IDUA: variants seen among roughly 807,000 people sequenced by gnomAD.
IDUA encodes alpha-L-iduronidase.
A neutral mutation model predicts 68.9 loss-of-function variants in IDUA; 65 were observed. That is an observed-to-expected ratio of 0.94 (90% CI 0.77 to 1.16). The LOEUF (loss-of-function observed/expected upper bound fraction) is 1.16, where lower values mean the gene tolerates loss of function less well. Ranked by LOEUF, IDUA falls within the 50% of genes most tolerant of loss-of-function variation. The pLI is 0.00. For missense variants in IDUA, 1,046 were observed against 938.0 expected (o/e 1.12, Z -1.50); for synonymous variants, 529 against 433.6 (o/e 1.22, Z -2.73).
intron 2 of IDUA, among the ~76,000 whole-genome samples, chr4:998,813 A>T (rs1714897966): frequency 7.6e-6 from 1 of 130,804 alleles, no homozygotes; most frequent in South Asian, 2.7e-4. Flanking sequence ...GCTCACCTCA[A>T]ACCTCATCAG....
At position 989,608 on chromosome 4, in the gene IDUA, C is replaced by G. The variant is rs1304954178; in HGVS notation, c.299+1659C>G. ...CCCCCGCAGGCTGACCACGATGACG[C>G]AGGCCAGCACGCTTCGCTGTAGGTC... On this transcript the variant is annotated intron_variant, in intron 2 of 13. Coordinates refer to ENST00000514224, the MANE Select transcript of IDUA (RefSeq NM_000203.5). 4 of 1,602,182 alleles carry G rather than the reference C, an allele frequency of 2.5e-6. No homozygotes were observed. Among genetic ancestry groups the G allele is most frequent in the Non-Finnish European group, 3.4e-6 (4 of 1,175,990 alleles).
In IDUA at chr4:1,003,366, C is replaced by A; in HGVS notation, c.1546C>A (p.Arg516Ser). The change falls in exon 11 of 14, where the codon CGC becomes AGC. Residue 516 changes from arginine to serine, a missense_variant. By Grantham distance (110) the Arg-to-Ser change is moderately radical. Coordinates refer to ENST00000514224, the MANE Select transcript of IDUA (RefSeq NM_000203.5). ...CCAGGACCCGGTGGCCGCGGCGCCC[C>A]GCCCCTTACCCGCCGGCGGCCGCCT... The part of the protein sequence containing the change: ...AAEDPVAAAP[R>S]PLPAGGRLTL... The A allele has an allele frequency of 6.8e-7, 1 of 1,476,344 alleles. No individual in the cohort carries two copies. Among genetic ancestry groups the A allele is most frequent in the Admixed American group, 2.4e-5 (1 of 41,176 alleles). The allele number at this position is 1,476,344 out of a possible 1,614,324, so 91.5% of individuals were successfully genotyped here. A position where few individuals can be genotyped will look rare whatever the true frequency, so the allele number is the denominator to read the frequency against.
At chr4:988,711 C>G in intron 2 of IDUA, 1 of 1,418,546 alleles carries the variant, frequency 7.0e-7, no homozygotes. Context: ...CCCAGGGCAG[C>G]TGTGGCACAA....
chr4:998,920 C>G (rs1005457191), intron 2 of IDUA, among the ~76,000 whole-genome samples: 29 of 152,196 alleles, frequency 1.9e-4, no homozygotes, highest in Middle Eastern at 3.4e-3. Flanking sequence ...CAGCTCCCAC[C>G]CTGACTCCAG....
chr4:988,399 C>T, intron 2 of IDUA: 1 of 1,057,338 alleles, frequency 9.5e-7, no homozygotes, highest in Non-Finnish European at 1.1e-6. Context: ...CACAGAGACC[C>T]TCGTGCACTT....
At position 1,002,923 on chromosome 4, in the gene IDUA, C is replaced by T. The variant is rs1031256595; in HGVS notation, c.1381C>T (p.Arg461Cys). The T allele has an allele frequency of 2.9e-6, 4 of 1,364,622 alleles. No homozygotes were observed. Among genetic ancestry groups the T allele is most frequent in the East Asian group, 3.1e-5 (1 of 32,422 alleles). The allele number at this position is 1,364,622 out of a possible 1,614,324, so 84.5% of individuals were successfully genotyped here. A position where few individuals can be genotyped will look rare whatever the true frequency, so the allele number is the denominator to read the frequency against. The change falls in exon 9 of 14, where the codon CGC (arginine) becomes TGC (cysteine). Residue 461 changes from arginine to cysteine, a missense_variant. Physicochemically the swap from Arg to Cys is radical, Grantham distance 180. Transcript: ENST00000514224. ...CAGCGTCGCGGTGACCCTGCGGCTG[C>T]GCGGGGTGCCCCCCGGCCCGGGTAA... ...NRSVAVTLRLRGVPPGPGLVY... is the reference protein window; with the variant it reads ...NRSVAVTLRLCGVPPGPGLVY...
At chr4:1,003,267 CG>C in intron 10 of IDUA, 77 bp from the exon 11 acceptor site, 3 of 1,347,516 alleles carry the variant, frequency 2.2e-6, no homozygotes, top group Non-Finnish European at 2.8e-6. Context: ...AGCGGTGGGC[CG>C]GGGGCGTTCG....
rs766982215 is a variant in IDUA at position 1,003,435 on chromosome 4, C to T, written c.1615C>T (p.His539Tyr). The T allele has an allele frequency of 5.8e-6, 9 of 1,539,370 alleles. No homozygotes were observed. The South Asian group carries it at 9.4e-5, about 16-fold the overall frequency. ...GCGGCTGCCGTCGCTTTTGCTGGTG[C>T]ACGTGTGTGCGCGCCCCGAGAAGCC... ...ALRLPSLLLV[H>Y]VCARPEKPPG... is the part of the protein sequence containing the mutation. The change falls in exon 11 of 14, where the codon CAC becomes TAC. Residue 539 changes from histidine (H) to tyrosine (Y), a missense_variant. His to Tyr is a moderately conservative substitution (Grantham distance 83). Transcript: ENST00000514224.
At position 987,255 on chromosome 4, in the gene IDUA, C is replaced by T. The variant is rs1456468706; in HGVS notation, c.158+13C>T. The T allele has an allele frequency of 2.0e-6, 3 of 1,513,996 alleles. No homozygotes were observed. Among genetic ancestry groups the T allele is most frequent in the Admixed American group, 4.0e-5 (2 of 49,608 alleles). The allele number at this position is 1,513,996 out of a possible 1,614,324, so 93.8% of individuals were successfully genotyped here. On this transcript the variant is annotated intron_variant, in intron 1 of 13. Coordinates refer to ENST00000514224, the MANE Select transcript of IDUA (RefSeq NM_000203.5). ...GCACAGGCTTCTGGTGAGCGCTCCG[C>T]GGCCTCCGGGACCCCCTGGCCGCAC...
intron 2 of IDUA, chr4:991,801 C>A: frequency 6.5e-7 from 1 of 1,531,572 alleles, no homozygotes; most frequent in South Asian, 1.2e-5. Flanking sequence ...TCCCCGGCAG[C>A]AACGGGCCCC....
chr4:990,574 G>A (rs746046668), intron 2 of IDUA: 113 of 594,650 alleles, frequency 1.9e-4, no homozygotes, highest in Non-Finnish European at 3.0e-4. Context: ...ACATCCACGT[G>A]AGCATCACAC....
chr4:1,002,594 G>A (rs1465964529), intron 8 of IDUA, 109 bp downstream of exon 8: 9 of 1,218,568 alleles, frequency 7.4e-6, no homozygotes, highest in South Asian at 1.8e-5. Flanking sequence ...CGCGCTTCCC[G>A]GGGTCGGCCT....
At chr4:1,000,505 T>C in intron 2 of IDUA, 107 bp from the exon 3 acceptor site, 1 of 880,732 alleles carries the variant, frequency 1.1e-6, no homozygotes, top group East Asian at 2.4e-5. Context: ...CGGAGTCCTG[T>C]GTGGCACCTT....
chr4:1,000,081 G>C (rs1714982215), intron 2 of IDUA: 1 of 169,158 alleles, frequency 5.9e-6, no homozygotes, highest in Non-Finnish European at 1.3e-5. Context: ...GCAGTGGCAG[G>C]GCGGCCCCCT....
At chr4:991,125 C>T (rs1714266179) in intron 2 of IDUA, 1 of 1,532,948 alleles carries the variant, frequency 6.5e-7, no homozygotes, top group South Asian at 1.3e-5. Flanking sequence ...CAGGGCTCCT[C>T]ACCTGGTAAA....
rs1715094235 is a variant in IDUA, at chr4:1,001,785, G to A, written c.696G>A (p.Pro232=). Residue 232 remains proline, a synonymous_variant, in exon 6 of 14, where the codon CCG becomes CCA. Transcript: ENST00000514224. ...GDSFHTPPRS[P]LSWGLLRHCH... is the part of the protein sequence containing the mutation. Reference sequence around the variant, plus strand: ...CCTTCCACACCCCACCGCGATCCCCGCTGAGCTGGGGCCTCCTGCGCCACT... The same window carrying A: ...CCTTCCACACCCCACCGCGATCCCCACTGAGCTGGGGCCTCCTGCGCCACT... 1 of 1,602,980 alleles carries A rather than the reference G, an allele frequency of 6.2e-7. No individual in the cohort carries two copies. Among genetic ancestry groups the A allele is most frequent in the Non-Finnish European group, 8.5e-7 (1 of 1,177,646 alleles).
rs1191584586 is a variant in IDUA at position 1,003,642 on chromosome 4, GCCC to G, written c.1727+19_1727+21del. On this transcript the variant is annotated intron_variant, in intron 12 of 13. Coordinates refer to ENST00000514224, the MANE Select transcript of IDUA (RefSeq NM_000203.5). The stretch of plus-strand genomic sequence containing the variant: ...GGGCTCCAAGTGCGTGAGTGGGGCC[GCCC>G]CTCCCTCTGCCTGGTCCTAGGCAGG... The G allele has an allele frequency of 6.2e-7, 1 of 1,611,414 alleles. No homozygotes were observed. The highest frequency in any genetic ancestry group is 1.3e-5 in the African/African-American group (1 of 74,888).
chr4:997,194 G>GGAGAAGAGGAGGCCCC (rs1431327299), intron 2 of IDUA, among the ~76,000 whole-genome samples: 4 of 152,132 alleles, frequency 2.6e-5, no homozygotes, highest in African/African-American at 9.7e-5. Flanking sequence ...TCCGAGGTCT[G>GGAGAAGAGGAGGCCCC]GAGAAGAGGA....
At chr4:993,515 C>T (rs781779217) in intron 2 of IDUA, 6 of 152,290 alleles carry the variant, frequency 3.9e-5, no homozygotes, top group African/African-American at 9.6e-5. Flanking sequence ...GTTACCTGAT[C>T]GGCTGATCCG....
Sources: gnomAD v4.1 joint callset for allele counts (sites outside exome capture counted in the v4.1 genomes callset) on GRCh38, gnomAD v4.1.1 for gene constraint, MANE v1.5 for transcripts, NCBI Gene and HGNC (gene_info 2026-07-23, HGNC 2026-07-21) for gene names.